Variants in KLHL6 observed in about 807,000 individuals in gnomAD.
KLHL6 encodes kelch-like protein 6.
A neutral mutation model predicts 58.6 loss-of-function variants in KLHL6; 41 were observed. The ratio of observed to expected loss-of-function variants is 0.70; its 90% CI spans 0.55 to 0.91. The LOEUF (loss-of-function observed/expected upper bound fraction) is 0.91. Ranked by LOEUF, KLHL6 falls within the 40% of genes least tolerant of loss-of-function variation. The pLI is 0.00. For missense variants in KLHL6, 714 were observed against 805.6 expected, an observed-to-expected ratio of 0.89 and a Z score of 1.38; for synonymous variants, 338 against 322.7, an observed-to-expected ratio of 1.05 and a Z score of -0.51.
At chr3:183,554,493 A>G (rs151002159) in intron 1 of KLHL6, among the ~76,000 whole-genome samples, 125 of 152,328 alleles carry the variant, frequency 8.2e-4, no homozygotes, top group Middle Eastern at 3.4e-3. Flanking sequence ...AGAAGGAACC[A>G]AGTCTCCTGA....
chr3:183,523,118 G>T (rs906965224), intron 2 of KLHL6: 1 of 152,156 alleles, frequency 6.6e-6, no homozygotes, highest in Non-Finnish European at 1.5e-5. Context: ...AGCAGTTTTT[G>T]AGAAGTCCTT....
At chr3:183,547,543 A>C (rs1278030950) in intron 1 of KLHL6, among the ~76,000 whole-genome samples, 2 of 152,174 alleles carry the variant, frequency 1.3e-5, no homozygotes, top group African/African-American at 4.8e-5. Context: ...CATGCTTTTC[A>C]TAATGACTAT....
rs542676065 is a variant in KLHL6, at chr3:183,536,158, C to A, written c.294-8148G>T. 1.1e-3 allele frequency among the ~76,000 whole-genome samples: 172 copies of A among 152,280 alleles called. 4 individuals are homozygous for A. The highest frequency in any genetic ancestry group is 6.8e-3 in the Middle Eastern group (2 of 294). On this transcript the variant is annotated intron_variant, in intron 1 of 6. Coordinates refer to ENST00000341319, the MANE Select transcript of KLHL6 (RefSeq NM_130446.4). ...TCTGACCGGGCATCTGGATTCCCTG[C>A]AAGCAGACCCCCTCTGCTAGTGACG...
rs759484585 is a variant in KLHL6 at position 183,528,026 on chromosome 3, G to A, written c.294-16C>T. On this transcript the variant is annotated splice_polypyrimidine_tract_variant and intron_variant, in intron 1 of 6. Transcript: ENST00000341319. Reference sequence around the variant, plus strand: ...GAACATGGCCCTGGAAGAGAAATGTGTGAATGTGAATCGTGCCGAGACCCT... The same window carrying A: ...GAACATGGCCCTGGAAGAGAAATGTATGAATGTGAATCGTGCCGAGACCCT... 1.2e-6 allele frequency: 2 copies of A among 1,613,792 alleles called. No individual in the cohort carries two copies. Among genetic ancestry groups the A allele is most frequent in the African/African-American group, 1.3e-5 (1 of 74,890 alleles).
In KLHL6 at chr3:183,490,536, G is replaced by C. The variant is rs1447557901; in HGVS notation, c.*1391C>G. ...TTTAAAAAAAAAAAGACCGGGCCCA[G>C]TGGCTCACACCTGTAATCCCAGCAC... On this transcript the variant is annotated 3_prime_UTR_variant, in exon 7 of 7. Coordinates refer to ENST00000341319, the MANE Select transcript of KLHL6 (RefSeq NM_130446.4). The C allele has an allele frequency of 6.6e-6, 1 of 151,966 alleles. No individual in the cohort carries two copies. Among genetic ancestry groups the C allele is most frequent in the Non-Finnish European group, 1.5e-5 (1 of 68,016 alleles). 9.4% of individuals were successfully genotyped at this position (151,966 alleles called of 1,614,324 possible).
chr3:183,544,628 T>C (rs891123696), intron 1 of KLHL6: 2 of 152,108 alleles, frequency 1.3e-5, no homozygotes, highest in Non-Finnish European at 2.9e-5. Context: ...CATCTCTCCA[T>C]ATCGGGAAAT....
At chr3:183,538,396 G>T (rs1054349889) in intron 1 of KLHL6, among the ~76,000 whole-genome samples, 1 of 152,062 alleles carries the variant, frequency 6.6e-6, no homozygotes, top group African/African-American at 2.4e-5. Context: ...CCACCTGTCT[G>T]CCCCCTGTTC....
At chr3:183,523,969 C>T (rs1346675323) in intron 2 of KLHL6, among the ~76,000 whole-genome samples, 1 of 152,076 alleles carries the variant, frequency 6.6e-6, no homozygotes, top group African/African-American at 2.4e-5. Flanking sequence ...TCATGTTGGC[C>T]AGGCTGGTCT....
In KLHL6 at chr3:183,494,151, G is replaced by C. The variant is rs141833676; in HGVS notation, c.1278C>G (p.Ile426Met). 7 of 1,614,158 alleles carry C rather than the reference G, an allele frequency of 4.3e-6. No homozygotes were observed. The highest frequency in any genetic ancestry group is 5.9e-6 in the Non-Finnish European group (7 of 1,180,026). ...MVVLGGKVYV[I>M]GGFDGLQRIN... ...TTCTCTGTAAGCCGTCAAAGCCTCC[G>C]ATCACATAGACCTTGCCACCCAACA... Residue 426 changes from isoleucine (I) to methionine (M), a missense_variant, in exon 5 of 7, where the codon ATC (isoleucine) becomes ATG (methionine). Transcript: ENST00000341319.
At position 183,527,866 on chromosome 3, in the gene KLHL6, C is replaced by T. The variant is rs765097233; in HGVS notation, c.438G>A (p.Leu146=). The T allele has an allele frequency of 2.5e-6, 4 of 1,614,000 alleles. No homozygotes were observed. In the East Asian group the frequency reaches 8.9e-5, roughly 36 times the overall value. The part of the protein sequence containing the change: ...LITKQNVQRV[L]EAANLFQFLR... ...ACACCTGGAAGAGGTTAGCAGCCTC[C>T]AGGACCCGCTGGACATTCTGCTTGG... The change falls in exon 2 of 7, where the codon CTG becomes CTA. Residue 146 remains leucine (L), a synonymous_variant. Transcript: ENST00000341319.
At chr3:183,511,633 C>T (rs1055961788) in intron 2 of KLHL6, among the ~76,000 whole-genome samples, 10 of 152,216 alleles carry the variant, frequency 6.6e-5, no homozygotes, top group African/African-American at 2.4e-4. Context: ...TTCTGCAGTG[C>T]ATTGTGCCCC....
At chr3:183,539,266 G>A (rs2108691990) in intron 1 of KLHL6, among the ~76,000 whole-genome samples, 1 of 152,308 alleles carries the variant, frequency 6.6e-6, no homozygotes, top group African/African-American at 2.4e-5. Context: ...CTAAGACACA[G>A]CCTTCCTAGA....
chr3:183,542,592 G>T (rs964295647), intron 1 of KLHL6, among the ~76,000 whole-genome samples: 4 of 152,118 alleles, frequency 2.6e-5, no homozygotes, highest in African/African-American at 9.7e-5. Flanking sequence ...TCTTCCGTCT[G>T]ATTTAATGCC....
intron 1 of KLHL6, among the ~76,000 whole-genome samples, chr3:183,544,163 C>CA (rs56357226): frequency 0.074 from 4,121 of 55,592 alleles, 299 homozygotes; most frequent in East Asian, 0.27. Context: ...AACTCAGTCT[C>CA]AAAAAAAAAA....
In KLHL6 at chr3:183,538,595, C is replaced by T. The variant is rs557972253; in HGVS notation, c.294-10585G>A. The stretch of plus-strand genomic sequence containing the variant: ...TTTTTAAACTAGTCAGCATGTACTA[C>T]ACAATGAACACTATTGTTAAGAAAG... On this transcript the variant is annotated intron_variant, in intron 1 of 6. Transcript: ENST00000341319. Among the ~76,000 whole-genome samples, 34 of 152,244 alleles carry T rather than the reference C, an allele frequency of 2.2e-4. No individual in the cohort carries two copies. In the Middle Eastern group the frequency reaches 0.01, roughly 46 times the overall value.
At chr3:183,552,646 AGGC>A (rs529742848) in intron 1 of KLHL6, among the ~76,000 whole-genome samples, 1,959 of 135,390 alleles carry the variant, frequency 0.014, 34 homozygotes, top group African/African-American at 0.051. Flanking sequence ...TGAACCCTGG[AGGC>A]GGAGTTTGCA....
At chr3:183,509,388 T>C (rs1490723599) in intron 2 of KLHL6, among the ~76,000 whole-genome samples, 7 of 152,222 alleles carry the variant, frequency 4.6e-5, no homozygotes, top group Non-Finnish European at 1.0e-4. Context: ...ACAAATCATA[T>C]GTACATTGTG....
At chr3:183,523,408 C>G (rs1324441512) in intron 2 of KLHL6, among the ~76,000 whole-genome samples, 2 of 152,246 alleles carry the variant, frequency 1.3e-5, no homozygotes, top group Non-Finnish European at 2.9e-5. Context: ...GTCACTGCCC[C>G]AGAGGGTTCT....
chr3:183,512,087 C>G (rs979997628), intron 2 of KLHL6, among the ~76,000 whole-genome samples: 1 of 152,176 alleles, frequency 6.6e-6, no homozygotes, highest in Non-Finnish European at 1.5e-5. Context: ...AGTTCAAAGA[C>G]TAAAAATATG....
Sources: allele counts gnomAD v4.1 joint callset (sites outside exome capture counted in the v4.1 genomes callset), GRCh38; gene constraint gnomAD v4.1.1; transcripts MANE v1.5; gene names NCBI Gene and HGNC (gene_info 2026-07-23, HGNC 2026-07-21).